POC1B: variants seen among roughly 807,000 people sequenced by gnomAD.
POC1B encodes the protein POC1 centriolar protein homolog B.
Under a neutral mutation model 60.6 loss-of-function variants are expected in POC1B, and 44 were observed. The ratio of observed to expected loss-of-function variants is 0.73; its 90% CI spans 0.57 to 0.93. The LOEUF (loss-of-function observed/expected upper bound fraction) is 0.93, where lower values mean the gene tolerates loss of function less well. POC1B is among the 40% of genes least tolerant of loss of function. The pLI, the probability that POC1B is intolerant of heterozygous loss-of-function variation, is 0.00. For synonymous variants in POC1B, 180 were observed against 198.9 expected (o/e 0.90, Z 0.80); for missense variants, 555 against 572.3 (o/e 0.97, Z 0.31).
intron 4 of POC1B, among the ~76,000 whole-genome samples, chr12:89,490,040 G>A (rs1413857056): frequency 4.6e-5 from 7 of 152,072 alleles, no homozygotes; most frequent in African/African-American, 1.7e-4. Context: ...GCCTGGAGCC[G>A]GCAGGGACCT....
In POC1B at chr12:89,421,245, A is replaced by C; in HGVS notation, c.1345T>G (p.Leu449Val). Residue 449 changes from leucine (L) to valine (V), a missense_variant, in exon 12 of 12, where the codon TTG becomes GTG. By Grantham distance (32) the Leu-to-Val change is conservative. Transcript: ENST00000313546. ...TCTGTCAAAGTCAGTCGCTGCTCCAAGATTGAAACAGTCTGCAAAAAGGAG... is the reference window on the plus strand; with the variant it reads ...TCTGTCAAAGTCAGTCGCTGCTCCACGATTGAAACAGTCTGCAAAAAGGAG... ...LNVLTQTVSI[L>V]EQRLTLTEDK... The C allele has an allele frequency of 6.3e-7, 1 of 1,593,752 alleles. No individual in the cohort carries two copies. The highest frequency in any genetic ancestry group is 8.6e-7 in the Non-Finnish European group (1 of 1,164,962).
intron 9 of POC1B, among the ~76,000 whole-genome samples, chr12:89,463,623 T>C (rs1882563074): frequency 6.6e-6 from 1 of 152,130 alleles, no homozygotes; most frequent in Non-Finnish European, 1.5e-5. Flanking sequence ...GAGGTACTGT[T>C]CTCATGTTTT....
chr12:89,515,303 T>A (rs1419215864), intron 2 of POC1B, among the ~76,000 whole-genome samples: 2 of 152,118 alleles, frequency 1.3e-5, no homozygotes, highest in African/African-American at 2.4e-5. Context: ...TTATTTATTT[T>A]TATTAATTTT....
At chr12:89,458,539 G>A (rs1882348159) in intron 10 of POC1B, among the ~76,000 whole-genome samples, 1 of 152,118 alleles carries the variant, frequency 6.6e-6, no homozygotes, top group Non-Finnish European at 1.5e-5. Flanking sequence ...CCTAATGAGA[G>A]ATCTAGGAGG....
the POC1B span, among the ~76,000 whole-genome samples, chr12:89,413,610 T>G: frequency 6.6e-6 from 1 of 152,234 alleles, no homozygotes; most frequent in African/African-American, 2.4e-5. Context: ...TTGAGCATTT[T>G]TAGTTATTTC....
intron 2 of POC1B, among the ~76,000 whole-genome samples, chr12:89,513,832 GAAA>G (rs1220097151): frequency 6.6e-6 from 1 of 152,174 alleles, no homozygotes; most frequent in Non-Finnish European, 1.5e-5. Flanking sequence ...ACCCTGCTGT[GAAA>G]ATTGTCTTCC....
chr12:89,478,315 C>T (rs940376634), intron 4 of POC1B, among the ~76,000 whole-genome samples: 1 of 152,140 alleles, frequency 6.6e-6, no homozygotes, highest in Non-Finnish European at 1.5e-5. Context: ...GATGGGGTTT[C>T]GCCATGTTGG....
intron 11 of POC1B, among the ~76,000 whole-genome samples, chr12:89,423,372 A>G (rs1044260344): frequency 1.3e-5 from 2 of 152,172 alleles, no homozygotes; most frequent in Non-Finnish European, 2.9e-5. Context: ...TCCTGGGCTC[A>G]AGCAATCCTT....
intron 2 of POC1B, chr12:89,520,338 AC>A (rs1198669326): frequency 6.6e-6 from 1 of 152,142 alleles, no homozygotes; most frequent in Non-Finnish European, 1.5e-5. Context: ...TCAAAATATA[AC>A]AATTTTCGTT....
rs529664875 is a variant in POC1B at position 89,490,106 on chromosome 12, T to C, written c.452+1830A>G. Among the ~76,000 whole-genome samples, 19 of 152,196 alleles carry C rather than the reference T, an allele frequency of 1.2e-4. No homozygotes were observed. In the South Asian group the frequency reaches 3.1e-3, roughly 25 times the overall value. The stretch of plus-strand genomic sequence containing the variant: ...AGCATATAGAGAGGCCCCCAGACAC[T>C]ACAAAGAGAGAGGCGTAACAGTACT... On this transcript the variant is annotated intron_variant, in intron 4 of 11. Transcript: ENST00000313546.
At chr12:89,412,357 CTTT>C in the POC1B span, among the ~76,000 whole-genome samples, 3 of 138,060 alleles carry the variant, frequency 2.2e-5, no homozygotes, top group Non-Finnish European at 4.8e-5. Flanking sequence ...TTTCTTTTTT[CTTT>C]TTTTTTTTTT....
At chr12:89,496,209 T>G (rs1416430877) in intron 3 of POC1B, among the ~76,000 whole-genome samples, 2 of 152,084 alleles carry the variant, frequency 1.3e-5, no homozygotes, top group Non-Finnish European at 2.9e-5. Flanking sequence ...GTGTGCAACC[T>G]AGATCCCTCG....
intron 11 of POC1B, among the ~76,000 whole-genome samples, chr12:89,424,604 T>G (rs1178315116): frequency 2.0e-5 from 3 of 152,210 alleles, no homozygotes; most frequent in Non-Finnish European, 4.4e-5. Context: ...AAACCTTTGG[T>G]GTATGCATTT....
At chr12:89,499,755 A>G (rs1452501400) in intron 2 of POC1B, among the ~76,000 whole-genome samples, 4 of 152,268 alleles carry the variant, frequency 2.6e-5, no homozygotes, top group African/African-American at 9.6e-5. Context: ...TACCACATAC[A>G]AAAGTTAATT....
chr12:89,419,090 G>A (rs1880424620), downstream of POC1B, among the ~76,000 whole-genome samples: 1 of 151,874 alleles, frequency 6.6e-6, no homozygotes, highest in Non-Finnish European at 1.5e-5. Context: ...TGAGCAACAG[G>A]AAGGAAAGCT....
Position 89,523,483 on chromosome 12 carries a change from G to A in POC1B, c.100+1637C>T, listed in dbSNP as rs371227409. 2.0e-5 allele frequency: 32 copies of A among 1,612,630 alleles called. No individual in the cohort carries two copies. The Admixed American group carries it at 2.5e-4, about 13-fold the overall frequency. On this transcript the variant is annotated intron_variant, in intron 2 of 11. Transcript: ENST00000313546. ...GAACACATGGCCCACGTGGGAACAC[G>A]GGTGGATCTCCAATTTGCCACCACA...
chr12:89,506,338 A>G (rs1414623317), intron 2 of POC1B, among the ~76,000 whole-genome samples: 1 of 152,242 alleles, frequency 6.6e-6, no homozygotes, highest in African/African-American at 2.4e-5. Context: ...CTTGCAATTT[A>G]TGCCTGCCAC....
At chr12:89,521,098 A>ATTTTTTTTTT (rs201411448) in intron 2 of POC1B, 1 of 113,250 alleles carries the variant, frequency 8.8e-6, no homozygotes, top group African/African-American at 3.5e-5. Flanking sequence ...CAGCTCACTT[A>ATTTTTTTTTT]TTTTATTATT....
At chr12:89,495,363 A>C (rs1869190898) in intron 3 of POC1B, among the ~76,000 whole-genome samples, 1 of 152,220 alleles carries the variant, frequency 6.6e-6, no homozygotes, top group Non-Finnish European at 1.5e-5. Flanking sequence ...TCTCCCTTAA[A>C]ATTCCCTGCT....
Sources: allele counts gnomAD v4.1 joint callset (sites outside exome capture counted in the v4.1 genomes callset), GRCh38; gene constraint gnomAD v4.1.1; transcripts MANE v1.5; gene names NCBI Gene and HGNC (gene_info 2026-07-23, HGNC 2026-07-21).